Variants in RUFY1 observed in about 807,000 individuals in gnomAD.
The protein encoded by RUFY1 is RUN and FYVE domain-containing protein 1.
Under a neutral mutation model 94.6 loss-of-function variants are expected in RUFY1, and 54 were observed. The observed-to-expected ratio is 0.57, with a 90% CI of 0.46 to 0.72. The LOEUF (loss-of-function observed/expected upper bound fraction) is 0.72. Among genes scored for constraint, RUFY1 ranks in the 30% least tolerant of loss-of-function variants. The pLI is 0.00. For missense variants in RUFY1, 883 were observed against 883.9 expected (o/e 1.00, Z 0.01); for synonymous variants, 396 against 347.3 (o/e 1.14, Z -1.56).
chr5:179,550,713 C>A lies in RUFY1; in HGVS notation c.144C>A (p.Gly48=). ...ACCGAAGCCAGCTGCCCGGCCCAGG[C>A]GACCTGCGGAGCGCAACGAGGCCGC... ...IVDRSQLPGP[G]DLRSATRPRA... is the part of the protein sequence containing the mutation. Residue 48 remains glycine, a synonymous_variant, in exon 1 of 18, where the codon GGC becomes GGA. Coordinates refer to ENST00000319449, the MANE Select transcript of RUFY1 (RefSeq NM_025158.5). 2 of 1,487,096 alleles carry A rather than the reference C, an allele frequency of 1.3e-6. No homozygotes were observed. Among genetic ancestry groups the A allele is most frequent in the Non-Finnish European group, 1.8e-6 (2 of 1,123,548 alleles). 92.1% of individuals were successfully genotyped at this position (1,487,096 alleles called of 1,614,324 possible).
At chr5:179,555,087 C>G (rs1762043523) in intron 1 of RUFY1, among the ~76,000 whole-genome samples, 2 of 152,174 alleles carry the variant, frequency 1.3e-5, no homozygotes, top group Admixed American at 1.3e-4. Flanking sequence ...TGGCTGTTTT[C>G]ACGCAAGCAA....
chr5:179,589,634 A>G lies in RUFY1; in HGVS notation c.1115A>G (p.Glu372Gly), dbSNP rs779093971. 2.5e-6 allele frequency: 4 copies of G among 1,612,564 alleles called. No homozygotes were observed. The highest frequency in any genetic ancestry group is 3.4e-6 in the Non-Finnish European group (4 of 1,178,538). ...AATGAATTAATTCGAGAAAGAAGTG[A>G]AAAGAGTGTAGAGGTGAGAAATTGA... ...EQNELIRERS[E>G]KSVEITKQDT... Residue 372 changes from glutamate (E) to glycine (G), a missense_variant, in exon 9 of 18, where the codon GAA (glutamate) becomes GGA (glycine). By Grantham distance (98) the Glu-to-Gly change is moderately conservative (BLOSUM62 -2). Transcript: ENST00000319449.
At chr5:179,581,071 C>A in intron 7 of RUFY1, 59 bp downstream of exon 7, 1 of 1,071,040 alleles carries the variant, frequency 9.3e-7, no homozygotes, top group Non-Finnish European at 1.4e-6. Context: ...GTCATTGCTT[C>A]ATGGAACTTC....
intron 5 of RUFY1, chr5:179,572,180 G>A (rs1163999894): frequency 6.6e-6 from 2 of 303,490 alleles, no homozygotes; most frequent in Admixed American, 4.4e-5. Context: ...GTCGCAGCTC[G>A]GAAAGCCAGC....
In RUFY1 at chr5:179,550,684, G is replaced by C. The variant is rs771464085; in HGVS notation, c.115G>C (p.Val39Leu). The C allele has an allele frequency of 1.7e-5, 26 of 1,498,864 alleles. No individual in the cohort carries two copies. In the East Asian group the frequency reaches 7.3e-4, roughly 42 times the overall value. The allele number at this position is 1,498,864 out of a possible 1,614,324, so 92.8% of individuals were successfully genotyped here. The change falls in exon 1 of 18, where the codon GTG becomes CTG. Residue 39 changes from valine (V) to leucine (L), a missense_variant. Val to Leu is a conservative substitution (Grantham distance 32). Coordinates refer to ENST00000319449, the MANE Select transcript of RUFY1 (RefSeq NM_025158.5). ...ALEPGEEFEIVDRSQLPGPGD... is the reference protein window; with the variant it reads ...ALEPGEEFEILDRSQLPGPGD... ...TGAGCCGGGAGAAGAGTTTGAGATC[G>C]TGGACCGAAGCCAGCTGCCCGGCCC...
At position 179,609,365 on chromosome 5, in the gene RUFY1, C is replaced by A; in HGVS notation, c.1984-11C>A. 1 of 1,612,428 alleles carries A rather than the reference C, an allele frequency of 6.2e-7. No homozygotes were observed. Among genetic ancestry groups the A allele is most frequent in the Non-Finnish European group, 8.5e-7 (1 of 1,179,442 alleles). ...CGGGTGTCCTGTGACCGCCTTCTTC[C>A]CGTCCTGTAGCACCACTGCCGGAAC... On this transcript the variant is annotated splice_polypyrimidine_tract_variant and intron_variant, in intron 17 of 17. Transcript: ENST00000319449.
Position 179,550,593 on chromosome 5 carries a change from C to T in RUFY1, c.24C>T (p.Cys8=), listed in dbSNP as rs1561938405. The part of the protein sequence containing the change: MADREGG[C]AAGRGRELEP... ...AGATGGCCGACCGGGAAGGCGGCTG[C>T]GCTGCTGGGCGGGGGCGGGAGCTGG... Residue 8 remains cysteine, a synonymous_variant, in exon 1 of 18, where the codon TGC becomes TGT. Coordinates refer to ENST00000319449, the MANE Select transcript of RUFY1 (RefSeq NM_025158.5). The T allele has an allele frequency of 6.9e-6, 9 of 1,311,774 alleles. No homozygotes were observed. Among genetic ancestry groups the T allele is most frequent in the Non-Finnish European group, 8.7e-6 (9 of 1,033,892 alleles). The allele number at this position is 1,311,774 out of a possible 1,614,324, so 81.3% of individuals were successfully genotyped here.
At chr5:179,571,332 C>T (rs1432399460) in intron 5 of RUFY1, among the ~76,000 whole-genome samples, 2 of 151,908 alleles carry the variant, frequency 1.3e-5, no homozygotes, top group African/African-American at 4.8e-5. Context: ...CTTGTCTCTA[C>T]CAAAAATTTA....
intron 16 of RUFY1, 89 bp downstream of exon 16, chr5:179,606,013 G>A (rs1767043438): frequency 3.4e-6 from 3 of 883,548 alleles, no homozygotes; most frequent in African/African-American, 1.7e-5. Flanking sequence ...ACAGTCAGGT[G>A]AGAGCGTGTG....
intron 14 of RUFY1, among the ~76,000 whole-genome samples, chr5:179,601,276 C>A (rs1766356171): frequency 6.6e-6 from 1 of 151,980 alleles, no homozygotes; most frequent in Non-Finnish European, 1.5e-5. Context: ...TCAAGCAGTT[C>A]TCTTGCCTCA....
In RUFY1 at chr5:179,596,548, G is replaced by A. The variant is rs566578128; in HGVS notation, c.1512-14G>A. On this transcript the variant is annotated splice_polypyrimidine_tract_variant and intron_variant, in intron 12 of 17. Coordinates refer to ENST00000319449, the MANE Select transcript of RUFY1 (RefSeq NM_025158.5). ...GATTTGCTTCATTTGCACTCTTGCT[G>A]GTGTCGCATCCAGGTTGCAGCACTC... 6.2e-7 allele frequency: 1 copy of A among 1,613,684 alleles called. No homozygotes were observed. The highest frequency in any genetic ancestry group is 8.5e-7 in the Non-Finnish European group (1 of 1,179,952).
intron 7 of RUFY1, among the ~76,000 whole-genome samples, chr5:179,583,895 G>A (rs1450531092): frequency 1.3e-5 from 2 of 150,632 alleles, no homozygotes; most frequent in Non-Finnish European, 3.0e-5. Flanking sequence ...GATTGCAGGC[G>A]CCCACCACCA....
chr5:179,580,237 G>GTATATATA (rs1413360910), intron 6 of RUFY1, among the ~76,000 whole-genome samples: 57 of 47,202 alleles, frequency 1.2e-3, no homozygotes, highest in Non-Finnish European at 1.9e-3. Flanking sequence ...GTGTGTGTGT[G>GTATATATA]TGTGTATATT....
intron 4 of RUFY1, among the ~76,000 whole-genome samples, chr5:179,568,842 G>T (rs756257214): frequency 6.6e-6 from 1 of 152,166 alleles, no homozygotes; most frequent in African/African-American, 2.4e-5. Context: ...GCAAATGGCC[G>T]CGATAACTGG....
At chr5:179,573,855 T>C (rs1763412225) in intron 5 of RUFY1, among the ~76,000 whole-genome samples, 2 of 152,206 alleles carry the variant, frequency 1.3e-5, no homozygotes, top group South Asian at 4.1e-4. Flanking sequence ...GAATGTTGAA[T>C]GTTGTCAGAT....
chr5:179,562,638 T>G lies in RUFY1; in HGVS notation c.576T>G (p.Thr192=). The G allele has an allele frequency of 6.3e-7, 1 of 1,588,848 alleles. No homozygotes were observed. Among genetic ancestry groups the G allele is most frequent in the Non-Finnish European group, 8.6e-7 (1 of 1,157,242 alleles). ...KLCPEASDIA[T]SVRNLPELKT... ...GTCCAGAAGCATCAGATATAGCGACTAGTGTCAGAAATCTTCCAGAATTAA... is the reference window on the plus strand; with the variant it reads ...GTCCAGAAGCATCAGATATAGCGACGAGTGTCAGAAATCTTCCAGAATTAA... The change falls in exon 3 of 18, where the codon ACT becomes ACG. Residue 192 remains threonine, a synonymous_variant. Coordinates refer to ENST00000319449, the MANE Select transcript of RUFY1 (RefSeq NM_025158.5).
intron 5 of RUFY1, among the ~76,000 whole-genome samples, chr5:179,574,094 GA>G (rs1349973438): frequency 2.0e-5 from 3 of 151,976 alleles, no homozygotes; most frequent in African/African-American, 7.3e-5. Flanking sequence ...TTCCGTGTCA[GA>G]ATTGTATTAG....
intron 16 of RUFY1, chr5:179,607,189 G>A (rs951704324): frequency 1.7e-5 from 4 of 235,348 alleles, no homozygotes; most frequent in South Asian, 6.0e-5. Flanking sequence ...CTTCTTCCGC[G>A]CCTGCCAGTT....
At chr5:179,559,096 A>G (rs905560092) in intron 1 of RUFY1, among the ~76,000 whole-genome samples, 23 of 151,908 alleles carry the variant, frequency 1.5e-4, no homozygotes, top group Admixed American at 7.3e-4. Flanking sequence ...TTCCAAGACA[A>G]TGTAAACGCG....
Sources: gnomAD v4.1 joint callset for allele counts (sites outside exome capture counted in the v4.1 genomes callset) on GRCh38, gnomAD v4.1.1 for gene constraint, MANE v1.5 for transcripts, NCBI Gene and HGNC (gene_info 2026-07-23, HGNC 2026-07-21) for gene names.